The following PRDM7 variants were observed in gnomAD, a reference collection of about 807,000 sequenced individuals.
PRDM7 encodes the protein PR/SET domain 7, also known as histone-lysine N-methyltransferase PRDM7.
In PRDM7, 52 loss-of-function variants were observed where a neutral mutation model predicts 64.3. The observed-to-expected ratio is 0.81, with a 90% CI of 0.65 to 1.02. The LOEUF is 1.02. PRDM7 is among the 50% of genes least tolerant of loss of function. PRDM7 has a pLI of 0.00. For missense variants in PRDM7, 574 were observed against 597.1 expected, an observed-to-expected ratio of 0.96 and a Z score of 0.40; for synonymous variants, 192 against 210.1, an observed-to-expected ratio of 0.91 and a Z score of 0.74.
At position 90,058,369 on chromosome 16, in the gene PRDM7, T is replaced by TG. The variant is rs763893737; in HGVS notation, c.1398dup (p.Arg467GlnfsTer221). ...GCGTGGATCAGAATATTGCCGCTCC[T>TG]GATTCTGATCCCCTGGGCAGGGATT... On this transcript the variant is annotated frameshift_variant, in exon 11 of 11. Transcript: ENST00000449207. LOFTEE classifies it high-confidence loss of function. 4 of 1,614,238 alleles carry TG rather than the reference T, an allele frequency of 2.5e-6. No homozygotes were observed. Among genetic ancestry groups the TG allele is most frequent in the Non-Finnish European group, 3.4e-6 (4 of 1,180,040 alleles).
At chr16:90,070,213 C>A (rs62054656) in intron 4 of PRDM7, among the ~76,000 whole-genome samples, 10,090 of 150,906 alleles carry the variant, frequency 0.067, 593 homozygotes, top group African/African-American at 0.084. Flanking sequence ...ACATTTAATA[C>A]CTCAATATGA....
intron 4 of PRDM7, among the ~76,000 whole-genome samples, chr16:90,068,147 C>T (rs1237022072): frequency 3.3e-5 from 5 of 150,834 alleles, no homozygotes; most frequent in African/African-American, 9.9e-5. Context: ...GGCATGGTGG[C>T]GGGCACCTAT....
chr16:90,076,839 T>A (rs932852638), intron 1 of PRDM7, among the ~76,000 whole-genome samples: 2 of 151,992 alleles, frequency 1.3e-5, no homozygotes, highest in African/African-American at 2.4e-5. Flanking sequence ...TGTTTGACAC[T>A]GAGGTTATTT....
chr16:90,062,333 C>T, intron 7 of PRDM7, 68 bp downstream of exon 7: 3 of 1,613,522 alleles, frequency 1.9e-6, no homozygotes, highest in Non-Finnish European at 2.5e-6. Context: ...GATTTGTGGG[C>T]CAAATGATGA....
At chr16:90,072,046 T>C (rs978395920) in intron 4 of PRDM7, among the ~76,000 whole-genome samples, 1 of 151,910 alleles carries the variant, frequency 6.6e-6, no homozygotes, top group East Asian at 1.9e-4. Flanking sequence ...CTGGCTAACA[T>C]GGTGAAACCC....
chr16:90,065,408 AAAAG>A (rs1326089452), intron 5 of PRDM7, among the ~76,000 whole-genome samples: 3 of 148,438 alleles, frequency 2.0e-5, no homozygotes, highest in South Asian at 4.2e-4. Flanking sequence ...AAAAAAAAAA[AAAAG>A]AAAGAAAAGA....
intron 4 of PRDM7, 80 bp downstream of exon 4, chr16:90,074,836 G>A: frequency 1.6e-5 from 22 of 1,412,712 alleles, no homozygotes; most frequent in South Asian, 4.8e-5. Flanking sequence ...CCAAGATCAC[G>A]CCATTGCACT....
chr16:90,059,708 G>A lies in PRDM7; in HGVS notation c.1233+633C>T, dbSNP rs191831237. On this transcript the variant is annotated intron_variant, in intron 10 of 10. Coordinates refer to ENST00000449207, the MANE Select transcript of PRDM7 (RefSeq NM_001098173.2). ...CCTCAGGTCTCACACTGACCCCCAG[G>A]TCTCACACTGACCTCAGCTCTCACA... Among the ~76,000 whole-genome samples the A allele has an allele frequency of 1.4e-4, 22 of 152,170 alleles. No individual in the cohort carries two copies. In the East Asian group the frequency reaches 3.5e-3, roughly 24 times the overall value.
chr16:90,068,624 G>A, intron 4 of PRDM7, among the ~76,000 whole-genome samples: 2 of 144,596 alleles, frequency 1.4e-5, no homozygotes, highest in Admixed American at 6.8e-5. Context: ...GACAGAGCGA[G>A]ACTCCGTCTC....
chr16:90,063,755 G>A lies in PRDM7; in HGVS notation c.365C>T (p.Ala122Val), dbSNP rs758401552. ...CAAACTAGATTCATTATTGAATGAC[G>A]CCTTGGGCATTCCCTTTAATGTGAG... ...QSKHQKGMPKASFNNESSLRE... is the reference protein window; with the variant it reads ...QSKHQKGMPKVSFNNESSLRE... The change falls in exon 6 of 11, where the codon GCG becomes GTG. Residue 122 changes from alanine (A) to valine (V), a missense_variant. By Grantham distance (64) the Ala-to-Val change is moderately conservative. Transcript: ENST00000449207. The A allele has an allele frequency of 8.7e-6, 14 of 1,613,978 alleles. No individual in the cohort carries two copies. Among genetic ancestry groups the A allele is most frequent in the South Asian group, 2.2e-5 (2 of 91,084 alleles).
intron 5 of PRDM7, among the ~76,000 whole-genome samples, chr16:90,066,660 T>C (rs28580414): frequency 0.019 from 2,929 of 151,274 alleles, 262 homozygotes; most frequent in African/African-American, 0.069. Context: ...AGTCTGAAAA[T>C]ACTGAGAAAA....
chr16:90,073,761 C>A (rs575082833), intron 4 of PRDM7, among the ~76,000 whole-genome samples: 29 of 151,956 alleles, frequency 1.9e-4, no homozygotes, highest in Non-Finnish European at 8.8e-5. Context: ...AGACCTAAAC[C>A]GAGGCCGGTT....
intron 8 of PRDM7, 117 bp from the exon 9 acceptor site, chr16:90,061,636 C>A: frequency 7.9e-7 from 1 of 1,273,568 alleles, no homozygotes; most frequent in South Asian, 1.2e-5. Flanking sequence ...CAACTGAGAC[C>A]ACATGGCATG....
intron 5 of PRDM7, among the ~76,000 whole-genome samples, chr16:90,065,393 GAAA>G (rs35014946): frequency 8.6e-5 from 8 of 92,764 alleles, no homozygotes; most frequent in Non-Finnish European, 1.6e-4. Context: ...AACTCTGTCT[GAAA>G]AAAAAAAAAA....
At chr16:90,074,285 C>T (rs1357724000) in intron 4 of PRDM7, among the ~76,000 whole-genome samples, 1 of 31,332 alleles carries the variant, frequency 3.2e-5, no homozygotes, top group Non-Finnish European at 1.3e-4. Context: ...TCATCATCGT[C>T]ATCATCATCA....
chr16:90,075,615 T>G lies in PRDM7; in HGVS notation c.70-141A>C. Reference sequence around the variant, plus strand: ...AAAGACCTTCCCTCCTTCTCCAGATTGTGTCCTGTTTAACTGAGCAGACAC... The same window carrying G: ...AAAGACCTTCCCTCCTTCTCCAGATGGTGTCCTGTTTAACTGAGCAGACAC... On this transcript the variant is annotated intron_variant, in intron 2 of 10. Coordinates refer to ENST00000449207, the MANE Select transcript of PRDM7 (RefSeq NM_001098173.2). This position sits in a 1 kb window ranked among gnomAD's most constrained non-coding sequence, Gnocchi z 4.3. 1 of 1,469,556 alleles carries G rather than the reference T, an allele frequency of 6.8e-7. No homozygotes were observed. Among genetic ancestry groups the G allele is most frequent in the South Asian group, 1.2e-5 (1 of 86,358 alleles). The allele number at this position is 1,469,556 out of a possible 1,614,324, so 91.0% of individuals were successfully genotyped here.
chr16:90,063,885 G>A lies in PRDM7; in HGVS notation c.352-117C>T, dbSNP rs1409298586. The A allele has an allele frequency of 5.5e-6, 7 of 1,270,548 alleles. No individual in the cohort carries two copies. The East Asian group carries it at 7.6e-5, about 14-fold the overall frequency. The allele number at this position is 1,270,548 out of a possible 1,614,324, so 78.7% of individuals were successfully genotyped here. ...TTCAAACCTTGGAAATACCTAGAGTGTCTAAATACTAGAGGGAAAAGACAA... is the reference window on the plus strand; with the variant it reads ...TTCAAACCTTGGAAATACCTAGAGTATCTAAATACTAGAGGGAAAAGACAA... On this transcript the variant is annotated intron_variant, in intron 5 of 10. Coordinates refer to ENST00000449207, the MANE Select transcript of PRDM7 (RefSeq NM_001098173.2).
Position 90,063,782 on chromosome 16 carries a change from A to C in PRDM7, c.352-14T>G, listed in dbSNP as rs1179543975. On this transcript the variant is annotated splice_polypyrimidine_tract_variant and intron_variant, in intron 5 of 10. Transcript: ENST00000449207. ...CTTGGGCATTCCCTTTAATGTGAGAATCACATATTAAAAGACAACGTGCAT... is the reference window on the plus strand; with the variant it reads ...CTTGGGCATTCCCTTTAATGTGAGACTCACATATTAAAAGACAACGTGCAT... 6.2e-7 allele frequency: 1 copy of C among 1,613,520 alleles called. No individual in the cohort carries two copies. Among genetic ancestry groups the C allele is most frequent in the Non-Finnish European group, 8.5e-7 (1 of 1,179,616 alleles).
rs1265674223 is a variant in PRDM7, at chr16:90,057,859, T to G, written c.*430A>C. 9.8e-6 allele frequency: 15 copies of G among 1,525,162 alleles called. No individual in the cohort carries two copies. The South Asian group carries it at 1.0e-4, about 10-fold the overall frequency. 94.5% of individuals were successfully genotyped at this position (1,525,162 alleles called of 1,614,324 possible). The stretch of plus-strand genomic sequence containing the variant: ...TGACTTACTCATCCTTCCTGCAGAC[T>G]GGGGCGTCTCCCCTGTGTGTCCTCT... On this transcript the variant is annotated 3_prime_UTR_variant, in exon 11 of 11. Transcript: ENST00000449207.
Sources: allele counts gnomAD v4.1 joint callset (sites outside exome capture counted in the v4.1 genomes callset), GRCh38; gene constraint gnomAD v4.1.1; non-coding constraint Gnocchi (gnomAD v3.1); transcripts MANE v1.5; gene names NCBI Gene and HGNC (gene_info 2026-07-23, HGNC 2026-07-21).